MCTP1: variants seen among roughly 807,000 people sequenced by gnomAD.
The protein encoded by MCTP1 is multiple C2 and transmembrane domain-containing protein 1.
MCTP1 carries 69 observed loss-of-function variants against 120.6 expected under a neutral mutation model. The observed-to-expected ratio is 0.57, with a 90% CI of 0.47 to 0.70. MCTP1 has a LOEUF of 0.70. Among genes scored for constraint, MCTP1 ranks in the 30% least tolerant of loss-of-function variants. The probability of loss-of-function intolerance (pLI) is 0.00; values close to 1 mark genes in which losing one functional copy is unlikely to be tolerated. For missense variants in MCTP1, 1,203 were observed against 1,248.8 expected (o/e 0.96, Z 0.55); for synonymous variants, 529 against 493.1 (o/e 1.07, Z -0.96).
chr5:94,929,672 A>G, intron 6 of MCTP1: 1 of 985,200 alleles, frequency 1.0e-6, no homozygotes, highest in Non-Finnish European at 1.2e-6. Flanking sequence ...GAAAAGATTC[A>G]GGGAGCAGTT....
chr5:94,916,364 T>A (rs1343041603), intron 8 of MCTP1, among the ~76,000 whole-genome samples: 1 of 152,206 alleles, frequency 6.6e-6, no homozygotes, highest in East Asian at 1.9e-4. Context: ...AGTTTTCTTA[T>A]GTTTGATTTT....
intron 1 of MCTP1, among the ~76,000 whole-genome samples, chr5:95,096,120 C>A (rs945670915): frequency 6.6e-6 from 1 of 152,124 alleles, no homozygotes; most frequent in Admixed American, 6.5e-5. Flanking sequence ...CAAATTCAGC[C>A]AAACAATATT....
At chr5:94,932,670 A>AT (rs34582166) in intron 5 of MCTP1, among the ~76,000 whole-genome samples, 1 of 151,960 alleles carries the variant, frequency 6.6e-6, no homozygotes, top group Non-Finnish European at 1.5e-5. Flanking sequence ...AGCCCAACGA[A>AT]TTTTTTTGTT....
At chr5:95,221,099 C>G (rs780085616) in intron 1 of MCTP1, among the ~76,000 whole-genome samples, 1 of 152,152 alleles carries the variant, frequency 6.6e-6, no homozygotes, top group Non-Finnish European at 1.5e-5. Context: ...ATGCTACAAC[C>G]AACAGGTAAA....
intron 17 of MCTP1, among the ~76,000 whole-genome samples, chr5:94,810,599 C>T (rs1010169454): frequency 2.6e-5 from 4 of 152,136 alleles, no homozygotes; most frequent in Non-Finnish European, 5.9e-5. Flanking sequence ...CTTTACACCT[C>T]CAGCTCTAAT....
At chr5:94,892,454 G>A (rs1452068193) in intron 11 of MCTP1, among the ~76,000 whole-genome samples, 1 of 151,964 alleles carries the variant, frequency 6.6e-6, no homozygotes, top group Non-Finnish European at 1.5e-5. Context: ...AATTGCTCTT[G>A]GTCTACTACC....
chr5:95,230,147 T>C (rs1754753873), intron 1 of MCTP1, among the ~76,000 whole-genome samples: 1 of 151,424 alleles, frequency 6.6e-6, no homozygotes, highest in Non-Finnish European at 1.5e-5. Flanking sequence ...TAATGAAACA[T>C]ACACTCACAA....
intron 1 of MCTP1, among the ~76,000 whole-genome samples, chr5:95,081,021 A>C (rs1754801124): frequency 6.6e-6 from 1 of 152,146 alleles, no homozygotes; most frequent in South Asian, 2.1e-4. Context: ...TTGAGCTATA[A>C]TTATTCAAAG....
At chr5:94,905,235 C>T (rs547692160) in intron 10 of MCTP1, among the ~76,000 whole-genome samples, 55 of 151,868 alleles carry the variant, frequency 3.6e-4, no homozygotes, top group African/African-American at 1.2e-3. Flanking sequence ...GAATGAAGGA[C>T]GGGGATAGGC....
rs397998773 is a variant in MCTP1, at chr5:95,283,843, C to CA, written c.720+12dup. 7.4e-6 allele frequency: 10 copies of CA among 1,349,064 alleles called. No homozygotes were observed. The East Asian group carries it at 9.3e-5, about 13-fold the overall frequency. 83.6% of individuals were successfully genotyped at this position (1,349,064 alleles called of 1,614,324 possible). A position where few individuals can be genotyped will look rare whatever the true frequency, so the allele number is the denominator to read the frequency against. Reference sequence around the variant, plus strand: ...CCGCGCACCTTGTCTCCGGCCGCGCCACCGGCACTCACCTGGCTGCTGCCG... The same window carrying CA: ...CCGCGCACCTTGTCTCCGGCCGCGCCAACCGGCACTCACCTGGCTGCTGCCG... On this transcript the variant is annotated intron_variant, in intron 1 of 22. Transcript: ENST00000515393.
intron 1 of MCTP1, among the ~76,000 whole-genome samples, chr5:95,267,929 A>C (rs1039457797): frequency 6.6e-6 from 1 of 152,220 alleles, no homozygotes; most frequent in Non-Finnish European, 1.5e-5. Flanking sequence ...CCTTCTGCCC[A>C]GAACTGTCTG....
chr5:95,214,139 A>G (rs1752749077), intron 1 of MCTP1, among the ~76,000 whole-genome samples: 1 of 152,306 alleles, frequency 6.6e-6, no homozygotes. Flanking sequence ...AATATCCAGA[A>G]TCTACAAAGA....
chr5:95,084,005 T>C (rs1247985635), intron 1 of MCTP1, among the ~76,000 whole-genome samples: 1 of 152,118 alleles, frequency 6.6e-6, no homozygotes, highest in Non-Finnish European at 1.5e-5. Context: ...GAAAAATATA[T>C]TATCCCAGTT....
chr5:95,009,281 A>G (rs965184604), intron 2 of MCTP1, among the ~76,000 whole-genome samples: 4 of 152,176 alleles, frequency 2.6e-5, no homozygotes, highest in Admixed American at 2.6e-4. Flanking sequence ...ATGATAGAAA[A>G]TGGCTATTAC....
At chr5:95,174,309 A>C (rs552146865) in intron 1 of MCTP1, among the ~76,000 whole-genome samples, 1 of 152,300 alleles carries the variant, frequency 6.6e-6, no homozygotes, top group Admixed American at 6.5e-5. Flanking sequence ...AACCCGTATT[A>C]ATTATTAATG....
chr5:94,769,946 A>C (rs1773681659), intron 19 of MCTP1, among the ~76,000 whole-genome samples: 1 of 152,220 alleles, frequency 6.6e-6, no homozygotes, highest in Admixed American at 6.5e-5. Context: ...TTTTGTATAT[A>C]ATTTAATGAA....
chr5:95,084,459 G>A (rs1363730625), intron 1 of MCTP1, among the ~76,000 whole-genome samples: 1 of 151,666 alleles, frequency 6.6e-6, no homozygotes, highest in Non-Finnish European at 1.5e-5. Flanking sequence ...GAAAAAGAAA[G>A]GGCAGAGAGA....
At chr5:94,751,858 A>G (rs889459026) in intron 19 of MCTP1, among the ~76,000 whole-genome samples, 2 of 151,558 alleles carry the variant, frequency 1.3e-5, no homozygotes, top group African/African-American at 4.9e-5. Context: ...CAGTCGCCTT[A>G]CAAAAAACCA....
intron 2 of MCTP1, among the ~76,000 whole-genome samples, chr5:95,005,833 T>A (rs887564573): frequency 6.6e-6 from 1 of 151,926 alleles, no homozygotes; most frequent in African/African-American, 2.4e-5. Flanking sequence ...CATATTAATA[T>A]AACATACATT....
Sources: gnomAD v4.1 joint callset for allele counts (sites outside exome capture counted in the v4.1 genomes callset) on GRCh38, gnomAD v4.1.1 for gene constraint, MANE v1.5 for transcripts, NCBI Gene and HGNC (gene_info 2026-07-23, HGNC 2026-07-21) for gene names.